Variants in CLN5 observed in about 807,000 individuals in gnomAD.
The protein encoded by CLN5 is bis(monoacylglycero)phosphate synthase CLN5.
A neutral mutation model predicts 36.7 loss-of-function variants in CLN5; 34 were observed. That is an observed-to-expected ratio of 0.93 (90% CI 0.71 to 1.23). The LOEUF is 1.23. Ranked by LOEUF, CLN5 falls within the 50% of genes most tolerant of loss-of-function variation. The probability of loss-of-function intolerance (pLI) is 0.00; values close to 1 mark genes in which losing one functional copy is unlikely to be tolerated. For missense variants in CLN5, 427 were observed against 439.4 expected, an observed-to-expected ratio of 0.97 and a Z score of 0.25; for synonymous variants, 151 against 155.1, an observed-to-expected ratio of 0.97 and a Z score of 0.20.
chr13:76,994,887 G>A lies in CLN5; in HGVS notation c.174-176G>A, dbSNP rs183766867. 6.8e-6 allele frequency: 4 copies of A among 587,674 alleles called. No individual in the cohort carries two copies. In the East Asian group the frequency reaches 8.7e-5, roughly 13 times the overall value. The allele number at this position is 587,674 out of a possible 1,614,324, so 36.4% of individuals were successfully genotyped here. A position where few individuals can be genotyped will look rare whatever the true frequency, so the allele number is the denominator to read the frequency against. On this transcript the variant is annotated intron_variant, in intron 1 of 3. Coordinates refer to ENST00000377453, the MANE Select transcript of CLN5 (RefSeq NM_006493.4). ...TCAGAGTGCTTTTAGTTTATCATTT[G>A]CTATTAAAAACATTATTGGAAGTTT... is the stretch of plus-strand genomic sequence containing the variant.
In CLN5 at chr13:77,004,539, T is replaced by G. The variant is rs1177535740; in HGVS notation, c.*3570T>G. 1 of 152,180 alleles carries G rather than the reference T, an allele frequency of 6.6e-6. No homozygotes were observed. The highest frequency in any genetic ancestry group is 1.5e-5 in the Non-Finnish European group (1 of 68,030). The allele number at this position is 152,180 out of a possible 1,614,324, so 9.4% of individuals were successfully genotyped here. On this transcript the variant is annotated 3_prime_UTR_variant, in exon 4 of 4. Coordinates refer to ENST00000377453, the MANE Select transcript of CLN5 (RefSeq NM_006493.4). ...TCGGAGTAAAAGGCTTTGTGCCCTT[T>G]TTAAAGTTGGGTGTCAGCAAGCAGC...
At position 77,003,117 on chromosome 13, in the gene CLN5, C is replaced by T. The variant is rs1052694010; in HGVS notation, c.*2148C>T. ...GTCGGGAGTTCAAGACCAGCCTGGC[C>T]AATGTGGTGAAACCCCGTTTCTCCT... On this transcript the variant is annotated 3_prime_UTR_variant, in exon 4 of 4. Transcript: ENST00000377453. 18 of 150,870 alleles carry T rather than the reference C, an allele frequency of 1.2e-4. No homozygotes were observed. The highest frequency in any genetic ancestry group is 4.4e-4 in the African/African-American group (18 of 40,968). 9.3% of individuals were successfully genotyped at this position (150,870 alleles called of 1,614,324 possible). A position where few individuals can be genotyped will look rare whatever the true frequency, so the allele number is the denominator to read the frequency against.
intron 3 of CLN5, chr13:76,997,568 C>G (rs543114192): frequency 6.6e-6 from 1 of 152,322 alleles, no homozygotes; most frequent in South Asian, 2.1e-4. Flanking sequence ...TGTGGGTTGT[C>G]TATTTACTCT....
intron 3 of CLN5, chr13:76,998,367 T>C (rs1405110276): frequency 1.3e-5 from 2 of 152,246 alleles, no homozygotes; most frequent in East Asian, 3.8e-4. Flanking sequence ...TTATATCTTA[T>C]TGGCCCGTTG....
chr13:76,995,346 TTAG>T, intron 2 of CLN5, 118 bp downstream of exon 2: 1 of 930,086 alleles, frequency 1.1e-6, no homozygotes, highest in South Asian at 1.4e-5. Context: ...GGTGTTTGTC[TTAG>T]TACATTTAAA....
Position 77,004,800 on chromosome 13 carries a change from C to G in CLN5, c.*3831C>G, listed in dbSNP as rs1366303463. Reference sequence around the variant, plus strand: ...AAATTGACTTAATCTTCAATCATACCTATTTTTTCTGATATGGTTACAACA... The same window carrying G: ...AAATTGACTTAATCTTCAATCATACGTATTTTTTCTGATATGGTTACAACA... On this transcript the variant is annotated 3_prime_UTR_variant, in exon 4 of 4. Coordinates refer to ENST00000377453, the MANE Select transcript of CLN5 (RefSeq NM_006493.4). 1 of 152,116 alleles carries G rather than the reference C, an allele frequency of 6.6e-6. No individual in the cohort carries two copies. The highest frequency in any genetic ancestry group is 1.5e-5 in the Non-Finnish European group (1 of 68,008). The allele number at this position is 152,116 out of a possible 1,614,324, so 9.4% of individuals were successfully genotyped here.
chr13:76,997,501 G>T (rs922868473), intron 3 of CLN5: 2 of 152,194 alleles, frequency 1.3e-5, no homozygotes, highest in Admixed American at 1.3e-4. Context: ...GTTCCTTGTA[G>T]ATTCTGGATA....
Position 77,000,974 on chromosome 13 carries a change from C to G in CLN5, c.*5C>G, listed in dbSNP as rs750903991. 1 of 1,601,398 alleles carries G rather than the reference C, an allele frequency of 6.2e-7. No homozygotes were observed. Among genetic ancestry groups the G allele is most frequent in the South Asian group, 1.1e-5 (1 of 90,524 alleles). ...AAAACACTCTCTGGTTTATAAAACA[C>G]CTTAATTCTACTGCTCTTTTTTCTC... On this transcript the variant is annotated 3_prime_UTR_variant, in exon 4 of 4. Transcript: ENST00000377453.
At chr13:76,994,357 C>T (rs377633059) in intron 1 of CLN5, 1 of 152,376 alleles carries the variant, frequency 6.6e-6, no homozygotes, top group Admixed American at 6.5e-5. Flanking sequence ...ACCTTCTAAT[C>T]AACTACATTA....
At chr13:76,992,571 T>A (rs1196492430) in intron 1 of CLN5, 1 of 494,348 alleles carries the variant, frequency 2.0e-6, no homozygotes. Flanking sequence ...TGGAGGGACT[T>A]CTGGGTACAA....
Position 76,992,289 on chromosome 13 carries a change from C to T in CLN5, c.173+18C>T, listed in dbSNP as rs112141862. ...CCCTACAAGTGAGTGCGGCGGCGCG[C>T]GCACTGTCGGGGTTGGGGTCGGCGT... On this transcript the variant is annotated intron_variant, in intron 1 of 3. Coordinates refer to ENST00000377453, the MANE Select transcript of CLN5 (RefSeq NM_006493.4). 43,535 of 1,541,536 alleles carry T rather than the reference C, an allele frequency of 0.028. 1,184 individuals are homozygous for T. Among genetic ancestry groups the T allele is most frequent in the African/African-American group, 0.13 (9,278 of 72,694 alleles).
chr13:77,004,300 C>G lies in CLN5; in HGVS notation c.*3331C>G, dbSNP rs1053712984. 6.6e-6 allele frequency: 1 copy of G among 152,092 alleles called. No individual in the cohort carries two copies. Among genetic ancestry groups the G allele is most frequent in the Non-Finnish European group, 1.5e-5 (1 of 68,004 alleles). 9.4% of individuals were successfully genotyped at this position (152,092 alleles called of 1,614,324 possible). ...GGCAGGCTATACAAAGAGTGATGTT[C>G]CAAAACTACACACATGCTTTTTCCC... On this transcript the variant is annotated 3_prime_UTR_variant, in exon 4 of 4. Transcript: ENST00000377453.
intron 2 of CLN5, chr13:76,995,490 G>A: frequency 1.9e-6 from 1 of 520,046 alleles, no homozygotes; most frequent in Non-Finnish European, 3.4e-6. Context: ...GTGAGAAGAG[G>A]CCCAGAAGTG....
Position 77,004,224 on chromosome 13 carries a change from G to T in CLN5, c.*3255G>T, listed in dbSNP as rs750070874. 1.2e-4 allele frequency: 19 copies of T among 152,148 alleles called. No homozygotes were observed. Among genetic ancestry groups the T allele is most frequent in the Non-Finnish European group, 1.8e-4 (12 of 68,024 alleles). 9.4% of individuals were successfully genotyped at this position (152,148 alleles called of 1,614,324 possible). A position where few individuals can be genotyped will look rare whatever the true frequency, so the allele number is the denominator to read the frequency against. On this transcript the variant is annotated 3_prime_UTR_variant, in exon 4 of 4. Coordinates refer to ENST00000377453, the MANE Select transcript of CLN5 (RefSeq NM_006493.4). ...ATGGTCTGCTGTGGTGGCACTTAAT[G>T]AATTACCTGGAATTATAGTTCCTGT...
chr13:76,996,271 G>A (rs2034266895), intron 3 of CLN5, 144 bp downstream of exon 3: 2 of 703,460 alleles, frequency 2.8e-6, no homozygotes, highest in Non-Finnish European at 4.8e-6. Context: ...TAAACTTTGG[G>A]AATTTTTTTC....
intron 3 of CLN5, chr13:76,999,227 A>G (rs1312563794): frequency 6.6e-6 from 1 of 152,220 alleles, no homozygotes; most frequent in South Asian, 2.1e-4. Flanking sequence ...TTTACAGAAC[A>G]TGAAGTATTT....
intron 3 of CLN5, chr13:76,996,740 C>G (rs370756788): frequency 6.5e-6 from 1 of 153,502 alleles, no homozygotes; most frequent in Non-Finnish European, 1.4e-5. Context: ...TTTGCAGTTG[C>G]AAATTGTGCT....
chr13:76,992,463 C>A (rs2034197427), intron 1 of CLN5, 192 bp downstream of exon 1: 1 of 640,078 alleles, frequency 1.6e-6, no homozygotes, highest in Non-Finnish European at 2.6e-6. Context: ...CCGCTCGTTA[C>A]GTGCAGCCCT....
chr13:77,000,722 G>C lies in CLN5; in HGVS notation c.830G>C (p.Gly277Ala). Residue 277 changes from glycine to alanine, a missense_variant, in exon 4 of 4, where the codon GGG becomes GCG. Transcript: ENST00000377453. ...TYLGNETSVF[G>A]PTGNKTLGLA... ...CTGGGAAATGAAACATCTGTTTTTG[G>C]GCCAACAGGAAACAAGACTCTTGGT... is the stretch of plus-strand genomic sequence containing the variant. The C allele has an allele frequency of 6.2e-7, 1 of 1,614,032 alleles. No homozygotes were observed. Among genetic ancestry groups the C allele is most frequent in the Non-Finnish European group, 8.5e-7 (1 of 1,180,002 alleles).
Sources: allele counts gnomAD v4.1 joint callset, GRCh38; gene constraint gnomAD v4.1.1; transcripts MANE v1.5; gene names NCBI Gene and HGNC (gene_info 2026-07-23, HGNC 2026-07-21).